DNMT3A: variants seen among roughly 807,000 people sequenced by gnomAD.
DNMT3A encodes the protein DNA methyltransferase 3 alpha, also known as DNA (cytosine-5)-methyltransferase 3A.
DNMT3A carries 267 observed loss-of-function variants against 117.6 expected under a neutral mutation model. That is an observed-to-expected ratio of 2.27 (90% CI 2.05 to 2.51). The LOEUF (loss-of-function observed/expected upper bound fraction) is 2.51, where lower values mean the gene tolerates loss of function less well. DNMT3A is among the 30% of genes most tolerant of loss of function. The pLI, the probability that DNMT3A is intolerant of heterozygous loss-of-function variation, is 0.00. For missense variants in DNMT3A, 1,029 were observed against 1,260.2 expected (o/e 0.82, Z 2.78); for synonymous variants, 432 against 474.8 (o/e 0.91, Z 1.17).
chr2:25,285,440 G>A (rs1573426690), intron 3 of DNMT3A, among the ~76,000 whole-genome samples: 1 of 152,256 alleles, frequency 6.6e-6, no homozygotes, highest in African/African-American at 2.4e-5. Flanking sequence ...GCCGGAGAGG[G>A]AGCAGAAGGA....
rs145682342 is a variant in DNMT3A at position 25,278,448 on chromosome 2, G to A, written c.449-2905C>T. Among the ~76,000 whole-genome samples, 8 of 152,294 alleles carry A rather than the reference G, an allele frequency of 5.3e-5. No individual in the cohort carries two copies. In the East Asian group the frequency reaches 1.3e-3, roughly 26 times the overall value. On this transcript the variant is annotated intron_variant, in intron 4 of 22. Transcript: ENST00000321117. ...AGGGGTTTTGTGCTGACCCTAATCC[G>A]GTCTCTCACCAGTTGCATAATCTTG...
intron 6 of DNMT3A, among the ~76,000 whole-genome samples, chr2:25,272,246 C>T (rs1019356856): frequency 2.0e-5 from 3 of 152,248 alleles, no homozygotes; most frequent in African/African-American, 2.4e-5. Flanking sequence ...CTCGGCCTCC[C>T]GAAGTGCTGG....
In DNMT3A at chr2:25,255,622, G is replaced by A. The variant is rs141528554; in HGVS notation, c.640-7370C>T. On this transcript the variant is annotated intron_variant, in intron 6 of 22. Transcript: ENST00000321117. ...AAATACCTCTGAAGGACACCTCTCTGCCCTGATCCTGTATTCATCAAGCAA... is the reference window on the plus strand; with the variant it reads ...AAATACCTCTGAAGGACACCTCTCTACCCTGATCCTGTATTCATCAAGCAA... Among the ~76,000 whole-genome samples the A allele has an allele frequency of 1.4e-3, 219 of 152,262 alleles. 1 individual carries two copies. The highest frequency in any genetic ancestry group is 5.2e-3 in the African/African-American group (218 of 41,548).
intron 6 of DNMT3A, among the ~76,000 whole-genome samples, chr2:25,253,553 C>T (rs1675842018): frequency 6.6e-6 from 1 of 152,082 alleles, no homozygotes; most frequent in African/African-American, 2.4e-5. Context: ...CCCACCTCCA[C>T]CCTCCCAGTA....
chr2:25,314,419 C>T (rs918910823), intron 1 of DNMT3A: 64 of 985,202 alleles, frequency 6.5e-5, no homozygotes, highest in Non-Finnish European at 7.6e-5. Flanking sequence ...CTTCTGGGAC[C>T]TCCAGCTGCC....
At chr2:25,259,482 C>G (rs1676429529) in intron 6 of DNMT3A, among the ~76,000 whole-genome samples, 1 of 152,196 alleles carries the variant, frequency 6.6e-6, no homozygotes. Context: ...GGTTTCCTAA[C>G]TAGCCTAATA....
intron 1 of DNMT3A, among the ~76,000 whole-genome samples, chr2:25,331,911 T>G (rs2035028346): frequency 7.2e-6 from 1 of 137,978 alleles, no homozygotes. Context: ...CCCCAACCCA[T>G]GCCCCCTCCA....
rs138358039 is a variant in DNMT3A at position 25,324,951 on chromosome 2, C to T, written c.-177-10790G>A. Among the ~76,000 whole-genome samples, 9 of 152,290 alleles carry T rather than the reference C, an allele frequency of 5.9e-5. No individual in the cohort carries two copies. The East Asian group carries it at 7.7e-4, about 13-fold the overall frequency. On this transcript the variant is annotated intron_variant, in intron 1 of 22. Transcript: ENST00000321117. ...ATCTGGCTCTAGAGTCACAATAAGA[C>T]GGCTTGTGGCTCTCACACCACTCTC...
Position 25,252,123 on chromosome 2 carries a change from G to A in DNMT3A, c.640-3871C>T. 1 of 1,530,794 alleles carries A rather than the reference G, an allele frequency of 6.5e-7. No homozygotes were observed. Among genetic ancestry groups the A allele is most frequent in the Non-Finnish European group, 8.8e-7 (1 of 1,135,356 alleles). 94.8% of individuals were successfully genotyped at this position (1,530,794 alleles called of 1,614,324 possible). A position where few individuals can be genotyped will look rare whatever the true frequency, so the allele number is the denominator to read the frequency against. On this transcript the variant is annotated intron_variant, in intron 6 of 22. Transcript: ENST00000321117. The surrounding 1 kb of genome is among the most constrained non-coding windows in gnomAD (Gnocchi z 5.5). ...TCACTCTTTTCAAACCCGGAGGGCT[G>A]CGGAGATCCTCCCACCGGCCCTGCC... is the stretch of plus-strand genomic sequence containing the variant.
chr2:25,242,450 C>G (rs916279380), intron 16 of DNMT3A, among the ~76,000 whole-genome samples: 21 of 152,160 alleles, frequency 1.4e-4, no homozygotes, highest in African/African-American at 5.1e-4. Flanking sequence ...CAACATGTCC[C>G]CCAGCCAAGG....
At chr2:25,307,236 GGT>G (rs1178535593) in intron 2 of DNMT3A, among the ~76,000 whole-genome samples, 1 of 152,184 alleles carries the variant, frequency 6.6e-6, no homozygotes, top group Admixed American at 6.5e-5. Flanking sequence ...GCAGCTGCAG[GGT>G]ATGACCAGGA....
intron 6 of DNMT3A, among the ~76,000 whole-genome samples, chr2:25,272,120 G>C (rs2030956335): frequency 1.3e-5 from 2 of 152,110 alleles, no homozygotes; most frequent in African/African-American, 2.4e-5. Flanking sequence ...CCAAGTAGCT[G>C]GGATTACAGG....
chr2:25,239,853 G>A (rs1400858147), intron 19 of DNMT3A, among the ~76,000 whole-genome samples: 2 of 152,232 alleles, frequency 1.3e-5, no homozygotes, highest in African/African-American at 2.4e-5. Flanking sequence ...GGGTTAAACG[G>A]GGACTCACAT....
rs1425919040 is a variant in DNMT3A at position 25,241,798 on chromosome 2, T to C, written c.1937-91A>G. On this transcript the variant is annotated intron_variant, in intron 16 of 22. Coordinates refer to ENST00000321117, the MANE Select transcript of DNMT3A (RefSeq NM_022552.5). Reference sequence around the variant, plus strand: ...TGAGCCTGCTGGCCAACAGGACCCATGGGGTCAGCTGTAGGCCCAAGTCCT... The same window carrying C: ...TGAGCCTGCTGGCCAACAGGACCCACGGGGTCAGCTGTAGGCCCAAGTCCT... The C allele has an allele frequency of 3.3e-6, 5 of 1,522,106 alleles. No homozygotes were observed. The Admixed American group carries it at 6.8e-5, about 21-fold the overall frequency. The allele number at this position is 1,522,106 out of a possible 1,614,324, so 94.3% of individuals were successfully genotyped here.
rs1445894788 is a variant in DNMT3A, at chr2:25,293,025, G to A, written c.177+7114C>T. Among the ~76,000 whole-genome samples the A allele has an allele frequency of 2.0e-5, 3 of 151,152 alleles. No individual in the cohort carries two copies. Among genetic ancestry groups the A allele is most frequent in the African/African-American group, 7.3e-5 (3 of 41,174 alleles). On this transcript the variant is annotated intron_variant, in intron 3 of 22. Coordinates refer to ENST00000321117, the MANE Select transcript of DNMT3A (RefSeq NM_022552.5). The surrounding 1 kb of genome is among the most constrained non-coding windows in gnomAD (Gnocchi z 4.7). ...GATTATTTTTGGAAAAAAAAAAAAA[G>A]GAGATTCTGAGATTCTACTTAAATG...
chr2:25,329,673 CCACA>C (rs55905204), intron 1 of DNMT3A, among the ~76,000 whole-genome samples: 11,266 of 138,064 alleles, frequency 0.082, 498 homozygotes, highest in South Asian at 0.17. Context: ...CATGCAGACC[CCACA>C]CACACACACA....
intron 2 of DNMT3A, among the ~76,000 whole-genome samples, 198 bp downstream of exon 2, chr2:25,313,715 C>G (rs1379598511): frequency 6.6e-6 from 1 of 152,224 alleles, no homozygotes; most frequent in East Asian, 1.9e-4. Context: ...AACCAAATGC[C>G]TGCTCCATCA....
intron 6 of DNMT3A, 96 bp from the exon 7 acceptor site, chr2:25,248,348 C>G: frequency 2.2e-6 from 3 of 1,386,864 alleles, no homozygotes; most frequent in Non-Finnish European, 2.9e-6. Flanking sequence ...AAACCCGGAA[C>G]AGTGACAGAA....
intron 1 of DNMT3A, among the ~76,000 whole-genome samples, chr2:25,338,005 G>T (rs1188495889): frequency 1.3e-5 from 2 of 152,218 alleles, no homozygotes; most frequent in African/African-American, 4.8e-5. Flanking sequence ...GAATGGCATT[G>T]GGGTAGATGC....
Sources: allele counts gnomAD v4.1 joint callset (sites outside exome capture counted in the v4.1 genomes callset), GRCh38; gene constraint gnomAD v4.1.1; non-coding constraint Gnocchi (gnomAD v3.1); transcripts MANE v1.5; gene names NCBI Gene and HGNC (gene_info 2026-07-23, HGNC 2026-07-21).